The following TBC1D10A variants were observed in gnomAD, a reference collection of about 807,000 sequenced individuals.
TBC1D10A encodes the protein TBC1 domain family member 10A.
Under a neutral mutation model 52.9 loss-of-function variants are expected in TBC1D10A, and 24 were observed. That is an observed-to-expected ratio of 0.45 (90% CI 0.33 to 0.64). The LOEUF is 0.64. Ranked by LOEUF, TBC1D10A falls within the 30% of genes least tolerant of loss-of-function variation. The pLI is 0.02. For synonymous variants in TBC1D10A, 278 were observed against 282.9 expected, an observed-to-expected ratio of 0.98 and a Z score of 0.17; for missense variants, 602 against 687.9, an observed-to-expected ratio of 0.88 and a Z score of 1.40.
At chr22:30,319,126 G>A (rs973296016) in intron 1 of TBC1D10A, among the ~76,000 whole-genome samples, 2 of 152,142 alleles carry the variant, frequency 1.3e-5, no homozygotes, top group Non-Finnish European at 2.9e-5. Context: ...GAGGGACTTT[G>A]CACATGGGCC....
chr22:30,317,540 T>TA (rs1930565249), intron 1 of TBC1D10A, among the ~76,000 whole-genome samples: 1 of 147,864 alleles, frequency 6.8e-6, no homozygotes, highest in Non-Finnish European at 1.5e-5. Flanking sequence ...TTGTTTACAC[T>TA]ATGCTCCTAA....
rs568708483 is a variant in TBC1D10A at position 30,297,849 on chromosome 22, C to T, written c.417+1595G>A. On this transcript the variant is annotated intron_variant, in intron 3 of 8. Coordinates refer to ENST00000215790, the MANE Select transcript of TBC1D10A (RefSeq NM_031937.3). The surrounding 1 kb of genome is among the most constrained non-coding windows in gnomAD (Gnocchi z 4.3). ...CTGTGCCCTGCCTCGGCACAGGACCCGCAGCAACCAGGGGAAGCTCCTCAT... is the reference window on the plus strand; with the variant it reads ...CTGTGCCCTGCCTCGGCACAGGACCTGCAGCAACCAGGGGAAGCTCCTCAT... The T allele has an allele frequency of 2.0e-5, 3 of 152,358 alleles. No individual in the cohort carries two copies. Among genetic ancestry groups the T allele is most frequent in the African/African-American group, 4.8e-5 (2 of 41,544 alleles). The allele number at this position is 152,358 out of a possible 1,614,324, so 9.4% of individuals were successfully genotyped here.
chr22:30,293,328 C>G (rs1465979690), intron 8 of TBC1D10A: 2 of 627,954 alleles, frequency 3.2e-6, no homozygotes, highest in East Asian at 7.1e-5. Context: ...CCCTGAGAGA[C>G]AAGTATCCAT....
Position 30,326,454 on chromosome 22 carries a change from G to A in TBC1D10A, c.209+219C>T, listed in dbSNP as rs572477119. Reference sequence around the variant, plus strand: ...TGTCCGGAGGGTGGAGGTGGCGGGTGGAGGTGTGGGCCCGTCCGCCCCCTG... The same window carrying A: ...TGTCCGGAGGGTGGAGGTGGCGGGTAGAGGTGTGGGCCCGTCCGCCCCCTG... On this transcript the variant is annotated intron_variant, in intron 1 of 8. Coordinates refer to ENST00000215790, the MANE Select transcript of TBC1D10A (RefSeq NM_031937.3). Among the ~76,000 whole-genome samples the A allele has an allele frequency of 1.1e-4, 17 of 151,268 alleles. No individual in the cohort carries two copies. In the East Asian group the frequency reaches 3.4e-3, roughly 30 times the overall value.
chr22:30,320,681 T>C (rs564559310), intron 1 of TBC1D10A, among the ~76,000 whole-genome samples: 87 of 152,200 alleles, frequency 5.7e-4, no homozygotes, highest in Middle Eastern at 3.4e-3. Flanking sequence ...CACTCATCAT[T>C]ATAGCCAAAG....
rs1189032153 is a variant in TBC1D10A at position 30,292,203 on chromosome 22, TCAGGCAGAATCTGTGTTGGAC to T, written c.*151_*171del. ...CTGTAAAGAAAATAAATAAGGAGGC[TCAGGCAGAATCTGTGTTGGAC>T]CAGGCAGAATCTGTGTTGGACCAGC... On this transcript the variant is annotated 3_prime_UTR_variant, in exon 9 of 9. Transcript: ENST00000215790. 34 of 569,842 alleles carry T rather than the reference TCAGGCAGAATCTGTGTTGGAC, an allele frequency of 6.0e-5. No individual in the cohort carries two copies. The highest frequency in any genetic ancestry group is 4.2e-4 in the South Asian group (12 of 28,622). The allele number at this position is 569,842 out of a possible 1,614,324, so 35.3% of individuals were successfully genotyped here.
chr22:30,314,427 T>C (rs900617494), intron 1 of TBC1D10A, among the ~76,000 whole-genome samples: 1 of 152,216 alleles, frequency 6.6e-6, no homozygotes, highest in Non-Finnish European at 1.5e-5. Flanking sequence ...TCGTCCACCA[T>C]ACAGGCTCCT....
At chr22:30,314,447 G>T (rs925542951) in intron 1 of TBC1D10A, among the ~76,000 whole-genome samples, 1 of 152,184 alleles carries the variant, frequency 6.6e-6, no homozygotes, top group African/African-American at 2.4e-5. Context: ...TCTGTGAAAT[G>T]GCATTACTGT....
chr22:30,309,532 C>G (rs146831566), intron 1 of TBC1D10A, among the ~76,000 whole-genome samples: 1 of 152,336 alleles, frequency 6.6e-6, no homozygotes, highest in African/African-American at 2.4e-5. Context: ...CCAGGGCAAT[C>G]TGCCATTTGC....
At position 30,326,706 on chromosome 22, in the gene TBC1D10A, C is replaced by A; in HGVS notation, c.176G>T (p.Gly59Val). The A allele has an allele frequency of 6.5e-7, 1 of 1,546,864 alleles. No homozygotes were observed. ...GFAERRIDKF[G>V]FIVGSQGAEG... ...GGCGCCCTGCGAGCCCACGATGAAG[C>A]CGAACTTGTCGATGCGGCGCTCGGC... The change falls in exon 1 of 9, where the codon GGC becomes GTC. Residue 59 changes from glycine (G) to valine (V), a missense_variant. Gly to Val is a moderately radical substitution (Grantham distance 109). Coordinates refer to ENST00000215790, the MANE Select transcript of TBC1D10A (RefSeq NM_031937.3).
Position 30,295,827 on chromosome 22 carries a change from G to A in TBC1D10A, c.434C>T (p.Pro145Leu). The A allele has an allele frequency of 1.2e-6, 2 of 1,613,730 alleles. No individual in the cohort carries two copies. Among genetic ancestry groups the A allele is most frequent in the Non-Finnish European group, 1.7e-6 (2 of 1,179,924 alleles). ...CACGTCCAGCCACTTGGGGTCCCCAGGGGACATGTCCAGCTCCTAGAAGCA... is the reference window on the plus strand; with the variant it reads ...CACGTCCAGCCACTTGGGGTCCCCAAGGGACATGTCCAGCTCCTAGAAGCA... ...PGKFDELDMS[P>L]GDPKWLDVIE... The change falls in exon 4 of 9, where the codon CCT (proline) becomes CTT (leucine). Residue 145 changes from proline (P) to leucine (L), a missense_variant. Physicochemically the swap from Pro to Leu is moderately conservative, Grantham distance 98 (BLOSUM62 -3). This residue lies in a region of TBC1D10A where 201 missense variants were observed against 204.4 expected (regional missense o/e 0.98). Transcript: ENST00000215790.
At chr22:30,318,420 A>G (rs1011938797) in intron 1 of TBC1D10A, among the ~76,000 whole-genome samples, 1 of 152,148 alleles carries the variant, frequency 6.6e-6, no homozygotes, top group African/African-American at 2.4e-5. Context: ...TTCCCCAACC[A>G]GGTCAGCCAA....
chr22:30,293,399 G>A (rs1420644570), intron 8 of TBC1D10A: 8 of 710,652 alleles, frequency 1.1e-5, no homozygotes, highest in African/African-American at 1.8e-5. Flanking sequence ...GGAGGAAGAC[G>A]GGGCCGTGGG....
chr22:30,302,733 T>C (rs1394052988), intron 2 of TBC1D10A, among the ~76,000 whole-genome samples: 1 of 152,152 alleles, frequency 6.6e-6, no homozygotes, highest in Non-Finnish European at 1.5e-5. Context: ...GGTCTTGGGC[T>C]CTAACCACAG....
chr22:30,308,829 C>T (rs937511899), intron 1 of TBC1D10A, among the ~76,000 whole-genome samples: 13 of 152,200 alleles, frequency 8.5e-5, no homozygotes, highest in Non-Finnish European at 1.8e-4. Flanking sequence ...AGAAATTGTA[C>T]GTGTCCCTCT....
Position 30,293,738 on chromosome 22 carries a change from G to T in TBC1D10A, c.963C>A (p.Val321=). 6.2e-7 allele frequency: 1 copy of T among 1,613,450 alleles called. No individual in the cohort carries two copies. Among genetic ancestry groups the T allele is most frequent in the Non-Finnish European group, 8.5e-7 (1 of 1,179,820 alleles). Residue 321 remains valine, a synonymous_variant, in exon 8 of 9, where the codon GTC becomes GTA. Coordinates refer to ENST00000215790, the MANE Select transcript of TBC1D10A (RefSeq NM_031937.3). ...TCTCGTACTGGCCCTGGCAGGCTTT[G>T]ACCTTCTCAGGGGAGCCCAGCGCGT... ...LKHALGSPEK[V]KACQGQYETI... is the part of the protein sequence containing the mutation.
chr22:30,294,786 C>A lies in TBC1D10A; in HGVS notation c.705+10G>T. 6.2e-7 allele frequency: 1 copy of A among 1,614,040 alleles called. No individual in the cohort carries two copies. Among genetic ancestry groups the A allele is most frequent in the South Asian group, 1.1e-5 (1 of 91,076 alleles). On this transcript the variant is annotated intron_variant, in intron 6 of 8. Coordinates refer to ENST00000215790, the MANE Select transcript of TBC1D10A (RefSeq NM_031937.3). ...AGCCCAGGGCAAGTCCCAGGCCAGG[C>A]GACACTCACCAGTTTCTCGCTGTAG...
chr22:30,309,702 G>T (rs769503216), intron 1 of TBC1D10A, among the ~76,000 whole-genome samples: 2 of 152,214 alleles, frequency 1.3e-5, no homozygotes, highest in Non-Finnish European at 2.9e-5. Context: ...TTCTCTGTAG[G>T]TTCCCAGTTT....
intron 2 of TBC1D10A, among the ~76,000 whole-genome samples, chr22:30,302,151 G>A (rs1024477674): frequency 6.6e-6 from 1 of 152,236 alleles, no homozygotes; most frequent in South Asian, 2.1e-4. Context: ...GCATAAAGGT[G>A]CTGGAGGGGG....
Sources: gnomAD v4.1 joint callset for allele counts (sites outside exome capture counted in the v4.1 genomes callset) on GRCh38, gnomAD v4.1.1 for gene constraint, gnomAD v4.1.1 regional missense constraint, Gnocchi (gnomAD v3.1) non-coding constraint, MANE v1.5 for transcripts, NCBI Gene and HGNC (gene_info 2026-07-23, HGNC 2026-07-21) for gene names.